Variants in CEP57L1 observed in about 807,000 individuals in gnomAD.
The protein encoded by CEP57L1 is centrosomal protein CEP57L1.
CEP57L1 carries 37 observed loss-of-function variants against 61.0 expected under a neutral mutation model. The observed-to-expected ratio is 0.61, with a 90% CI of 0.47 to 0.80. CEP57L1 has a LOEUF of 0.80. Ranked by LOEUF, CEP57L1 falls within the 30% of genes least tolerant of loss-of-function variation. CEP57L1 has a pLI of 0.00. For synonymous variants in CEP57L1, 137 were observed against 162.3 expected (o/e 0.84, Z 1.19); for missense variants, 422 against 524.7 (o/e 0.80, Z 1.91).
intron 1 of CEP57L1, among the ~76,000 whole-genome samples, chr6:109,136,024 A>G (rs1770625887): frequency 6.6e-6 from 1 of 152,210 alleles, no homozygotes; most frequent in Non-Finnish European, 1.5e-5. Flanking sequence ...TCAGGGATCT[A>G]GAACTAGAAA....
At chr6:109,161,215 T>C (rs1773691141) in intron 10 of CEP57L1, among the ~76,000 whole-genome samples, 1 of 152,108 alleles carries the variant, frequency 6.6e-6, no homozygotes, top group African/African-American at 2.4e-5. Context: ...CAGCTAGCTA[T>C]AGTGAGTAGA....
chr6:109,170,802 G>A lies in CEP57L1; in HGVS notation c.*7832G>A, dbSNP rs899664305. 3.3e-5 allele frequency among the ~76,000 whole-genome samples: 5 copies of A among 152,152 alleles called. No homozygotes were observed. The highest frequency in any genetic ancestry group is 5.9e-5 in the Non-Finnish European group (4 of 68,036). ...TCCAAAATATGTAATACATGTGAGA[G>A]AATAGCACTGTTGAAATGCTTGAAC... On this transcript the variant is annotated 3_prime_UTR_variant, in exon 11 of 11. Transcript: ENST00000517392.
In CEP57L1 at chr6:109,173,428, T is replaced by G. The variant is rs924047914; in HGVS notation, c.*10458T>G. ...CTCAGCCCGCCCCCTACCTTTCTTT[T>G]TTTTTTTTTTTTCTTTTCAGGGTCT... On this transcript the variant is annotated 3_prime_UTR_variant, in exon 11 of 11. Coordinates refer to ENST00000517392, the MANE Select transcript of CEP57L1 (RefSeq NM_001271852.3). 6.7e-6 allele frequency among the ~76,000 whole-genome samples: 1 copy of G among 148,844 alleles called. No homozygotes were observed. Among genetic ancestry groups the G allele is most frequent in the Non-Finnish European group, 1.5e-5 (1 of 67,216 alleles).
intron 1 of CEP57L1, among the ~76,000 whole-genome samples, chr6:109,102,539 G>A (rs991888301): frequency 1.3e-5 from 2 of 152,022 alleles, no homozygotes; most frequent in East Asian, 1.9e-4. Context: ...CATGCTTTTC[G>A]TGTTGTAGCT....
chr6:109,097,646 C>T (rs1437157718), intron 1 of CEP57L1, among the ~76,000 whole-genome samples: 1 of 152,028 alleles, frequency 6.6e-6, no homozygotes, highest in Non-Finnish European at 1.5e-5. Context: ...TTGCATTCTA[C>T]TGAGGAGAGA....
At position 109,164,656 on chromosome 6, in the gene CEP57L1, C is replaced by T. The variant is rs573866604; in HGVS notation, c.*1686C>T. 4.6e-5 allele frequency among the ~76,000 whole-genome samples: 7 copies of T among 152,216 alleles called. No homozygotes were observed. In the South Asian group the frequency reaches 1.2e-3, roughly 27 times the overall value. On this transcript the variant is annotated 3_prime_UTR_variant, in exon 11 of 11. Transcript: ENST00000517392. ...CTAAACTTTTTAGCTTTCTGCTATC[C>T]ACCAGGACCATAATGCAGACCTATA...
At chr6:109,123,596 G>A (rs916962726) in intron 1 of CEP57L1, among the ~76,000 whole-genome samples, 4 of 152,084 alleles carry the variant, frequency 2.6e-5, no homozygotes, top group Non-Finnish European at 5.9e-5. Flanking sequence ...CTAAAATAAT[G>A]TTTTATACCA....
intron 3 of CEP57L1, among the ~76,000 whole-genome samples, chr6:109,149,298 A>G (rs1772322608): frequency 6.6e-6 from 1 of 152,162 alleles, no homozygotes; most frequent in South Asian, 2.1e-4. Flanking sequence ...ATTTTTGTAT[A>G]AGGTGTAAGG....
chr6:109,155,445 T>G (rs1773121336), intron 6 of CEP57L1, 138 bp downstream of exon 6: 1 of 508,284 alleles, frequency 2.0e-6, no homozygotes. Context: ...AATGAAATTC[T>G]CAGTCAGCCA....
At chr6:109,145,598 C>T (rs1481421028) in intron 2 of CEP57L1, among the ~76,000 whole-genome samples, 2 of 151,792 alleles carry the variant, frequency 1.3e-5, no homozygotes, top group African/African-American at 4.8e-5. Context: ...CAGCTGGACA[C>T]ATATCACAGA....
intron 1 of CEP57L1, among the ~76,000 whole-genome samples, chr6:109,144,962 C>T (rs957717207): frequency 6.6e-6 from 1 of 151,972 alleles, no homozygotes; most frequent in African/African-American, 2.4e-5. Flanking sequence ...AAATTCAAAT[C>T]ACTCATGTGA....
intron 1 of CEP57L1, among the ~76,000 whole-genome samples, chr6:109,113,155 T>C (rs1175529740): frequency 1.3e-5 from 2 of 152,216 alleles, no homozygotes; most frequent in Non-Finnish European, 2.9e-5. Flanking sequence ...AGTCTCTTTG[T>C]AGGTCTCTAA....
chr6:109,150,843 G>C (rs1349441072), intron 4 of CEP57L1, among the ~76,000 whole-genome samples: 1 of 151,952 alleles, frequency 6.6e-6, no homozygotes, highest in African/African-American at 2.4e-5. Flanking sequence ...TATGCCCGGG[G>C]GAAGTATCCT....
intron 1 of CEP57L1, among the ~76,000 whole-genome samples, chr6:109,116,592 G>C (rs1449232723): frequency 6.6e-6 from 1 of 152,124 alleles, no homozygotes; most frequent in African/African-American, 2.4e-5. Context: ...TTGTCATAAA[G>C]CTTTTGATAA....
intron 7 of CEP57L1, chr6:109,156,144 G>T: frequency 3.8e-6 from 1 of 266,408 alleles, no homozygotes; most frequent in Non-Finnish European, 7.1e-6. Context: ...AACATATAAT[G>T]GACAGTATAG....
rs868365763 is a variant in CEP57L1 at position 109,163,072 on chromosome 6, T to C, written c.*102T>C. On this transcript the variant is annotated 3_prime_UTR_variant, in exon 11 of 11. Coordinates refer to ENST00000517392, the MANE Select transcript of CEP57L1 (RefSeq NM_001271852.3). ...TAACTTTGTGACATTTTGAATCATG[T>C]TTCTAGTTTCTATAAAACATGAAGT... 5.5e-5 allele frequency: 41 copies of C among 739,242 alleles called. 1 individual carries two copies. In the Middle Eastern group the frequency reaches 2.7e-3, roughly 49 times the overall value. The allele number at this position is 739,242 out of a possible 1,614,324, so 45.8% of individuals were successfully genotyped here. A position where few individuals can be genotyped will look rare whatever the true frequency, so the allele number is the denominator to read the frequency against.
At chr6:109,126,880 G>A (rs547591237) in intron 1 of CEP57L1, among the ~76,000 whole-genome samples, 22 of 152,088 alleles carry the variant, frequency 1.4e-4, no homozygotes, top group Non-Finnish European at 2.6e-4. Flanking sequence ...TAAAAAACTG[G>A]CTGTTGGCCA....
chr6:109,154,715 T>C (rs1231987757), intron 5 of CEP57L1, among the ~76,000 whole-genome samples: 1 of 152,114 alleles, frequency 6.6e-6, no homozygotes, highest in Admixed American at 6.5e-5. Flanking sequence ...ATCTAAAATA[T>C]CTCTGGTTCC....
intron 1 of CEP57L1, among the ~76,000 whole-genome samples, chr6:109,136,163 C>G (rs1436545767): frequency 6.6e-6 from 1 of 152,204 alleles, no homozygotes; most frequent in Non-Finnish European, 1.5e-5. Flanking sequence ...TTAGAACCAA[C>G]CCAAATGTCC....
Sources: allele counts gnomAD v4.1 joint callset (sites outside exome capture counted in the v4.1 genomes callset), GRCh38; gene constraint gnomAD v4.1.1; transcripts MANE v1.5; gene names NCBI Gene and HGNC (gene_info 2026-07-23, HGNC 2026-07-21).